The following CCDC73 variants were observed in gnomAD, a reference collection of about 807,000 sequenced individuals.
The protein encoded by CCDC73 is coiled-coil domain-containing protein 73.
CCDC73 carries 95 observed loss-of-function variants against 116.5 expected under a neutral mutation model. The observed-to-expected ratio is 0.82, with a 90% CI of 0.69 to 0.97. The LOEUF (loss-of-function observed/expected upper bound fraction) is 0.97. Among genes scored for constraint, CCDC73 ranks in the 50% least tolerant of loss-of-function variants. CCDC73 has a pLI of 0.00. For missense variants in CCDC73, 1,066 were observed against 1,206.8 expected, an observed-to-expected ratio of 0.88 and a Z score of 1.73; for synonymous variants, 398 against 401.3, an observed-to-expected ratio of 0.99 and a Z score of 0.10.
intron 6 of CCDC73, among the ~76,000 whole-genome samples, chr11:32,693,335 G>A (rs890581915): frequency 6.6e-6 from 1 of 152,182 alleles, no homozygotes; most frequent in Non-Finnish European, 1.5e-5. Flanking sequence ...TTTTATTTAA[G>A]TTTCAACTTG....
intron 2 of CCDC73, among the ~76,000 whole-genome samples, chr11:32,728,102 T>C (rs1026192771): frequency 1.3e-5 from 2 of 151,838 alleles, no homozygotes; most frequent in Non-Finnish European, 2.9e-5. Flanking sequence ...AAATTTAAAA[T>C]TTAGCCAGGC....
At chr11:32,712,730 G>A (rs1019206089) in intron 3 of CCDC73, among the ~76,000 whole-genome samples, 6 of 151,628 alleles carry the variant, frequency 4.0e-5, no homozygotes, top group Admixed American at 6.6e-5. Flanking sequence ...TTACATATAT[G>A]TACATGTATA....
chr11:32,699,438 A>G, intron 5 of CCDC73, 113 bp from the exon 6 acceptor site: 1 of 1,196,872 alleles, frequency 8.4e-7, no homozygotes, highest in Non-Finnish European at 1.1e-6. Context: ...AATACTTTCT[A>G]ATGTAAATAA....
At chr11:32,629,698 A>G (rs1305550841) in intron 14 of CCDC73, among the ~76,000 whole-genome samples, 1 of 151,826 alleles carries the variant, frequency 6.6e-6, no homozygotes, top group African/African-American at 2.4e-5. Flanking sequence ...CCCAGCCGAT[A>G]TAAAGACACT....
chr11:32,732,571 T>C (rs927608037), intron 2 of CCDC73, among the ~76,000 whole-genome samples: 3 of 152,128 alleles, frequency 2.0e-5, no homozygotes, highest in African/African-American at 7.2e-5. Context: ...GCGGATCTCT[T>C]GGCAAAAACT....
chr11:32,670,606 A>G (rs1856030013), intron 9 of CCDC73, among the ~76,000 whole-genome samples: 1 of 152,188 alleles, frequency 6.6e-6, no homozygotes. Flanking sequence ...TGTCCTATTG[A>G]TAACAGGTAT....
the CCDC73 span, chr11:32,829,661 C>A: frequency 1.5e-5 from 11 of 717,854 alleles, no homozygotes; most frequent in South Asian, 6.9e-4. Flanking sequence ...AGACTGAGAA[C>A]CGAAATGCTT....
intron 11 of CCDC73, 136 bp from the exon 12 acceptor site, chr11:32,653,363 T>C (rs1855843799): frequency 1.9e-6 from 1 of 514,214 alleles, no homozygotes; most frequent in South Asian, 3.4e-5. Context: ...ATTAAACTAA[T>C]GGCACATCTA....
At chr11:32,735,993 T>A (rs1220993783) in intron 2 of CCDC73, among the ~76,000 whole-genome samples, 1 of 152,114 alleles carries the variant, frequency 6.6e-6, no homozygotes, top group Non-Finnish European at 1.5e-5. Flanking sequence ...TCCTTACACT[T>A]TATACAAAAA....
intron 12 of CCDC73, among the ~76,000 whole-genome samples, chr11:32,644,575 A>T (rs1455565092): frequency 6.6e-6 from 1 of 152,216 alleles, no homozygotes; most frequent in Non-Finnish European, 1.5e-5. Flanking sequence ...AACTATCACC[A>T]CTATCCATGT....
At chr11:32,649,282 G>C (rs925446756) in intron 12 of CCDC73, among the ~76,000 whole-genome samples, 1 of 151,868 alleles carries the variant, frequency 6.6e-6, no homozygotes, top group African/African-American at 2.4e-5. Flanking sequence ...CTAACTAAAT[G>C]ACCCTAGTTA....
At chr11:32,737,046 C>G (rs985015851) in intron 2 of CCDC73, among the ~76,000 whole-genome samples, 7 of 151,316 alleles carry the variant, frequency 4.6e-5, no homozygotes, top group African/African-American at 1.7e-4. Flanking sequence ...CTCAGCCTCC[C>G]TAGTAGCTGC....
chr11:32,782,502 C>T (rs1201800009), intron 1 of CCDC73, among the ~76,000 whole-genome samples: 2 of 152,184 alleles, frequency 1.3e-5, no homozygotes, highest in Non-Finnish European at 2.9e-5. Context: ...TCCATGCATA[C>T]ATAACCTCCA....
At chr11:32,633,396 T>A (rs933666751) in intron 14 of CCDC73, among the ~76,000 whole-genome samples, 1 of 152,164 alleles carries the variant, frequency 6.6e-6, no homozygotes, top group Non-Finnish European at 1.5e-5. Flanking sequence ...TGACAACTTA[T>A]GAAAAGGACA....
chr11:32,645,423 C>T (rs1291542181), intron 12 of CCDC73, among the ~76,000 whole-genome samples: 1 of 151,678 alleles, frequency 6.6e-6, no homozygotes, highest in Non-Finnish European at 1.5e-5. Context: ...CCCTGAGTAG[C>T]TGGGATTACA....
At chr11:32,666,650 C>T (rs754384431) in intron 9 of CCDC73, among the ~76,000 whole-genome samples, 2 of 152,220 alleles carry the variant, frequency 1.3e-5, no homozygotes, top group East Asian at 1.9e-4. Flanking sequence ...AAGCCTTCTG[C>T]TCTCAACCCG....
At chr11:32,719,784 C>T (rs1342585965) in intron 2 of CCDC73, among the ~76,000 whole-genome samples, 1 of 152,056 alleles carries the variant, frequency 6.6e-6, no homozygotes, top group Non-Finnish European at 1.5e-5. Context: ...AAACTTTACA[C>T]TCAGAAATTT....
chr11:32,649,020 C>T (rs1351053338), intron 12 of CCDC73, among the ~76,000 whole-genome samples: 2 of 152,008 alleles, frequency 1.3e-5, no homozygotes, highest in Non-Finnish European at 2.9e-5. Context: ...CTTAACTTGC[C>T]CCTTCATGAG....
At chr11:32,828,432 C>T in the CCDC73 span, among the ~76,000 whole-genome samples, 1 of 151,534 alleles carries the variant, frequency 6.6e-6, no homozygotes, top group Non-Finnish European at 1.5e-5. Context: ...ATCGCTTGAA[C>T]CCAGGAGGCG....
Sources: allele counts gnomAD v4.1 joint callset (sites outside exome capture counted in the v4.1 genomes callset), GRCh38; gene constraint gnomAD v4.1.1; transcripts MANE v1.5; gene names NCBI Gene and HGNC (gene_info 2026-07-23, HGNC 2026-07-21).